CHST7: variants seen among roughly 807,000 people sequenced by gnomAD.
CHST7 encodes N-acetylglucosamine 6-O-sulfotransferase 4.
A neutral mutation model predicts 9.0 loss-of-function variants in CHST7; 5 were observed. That is an observed-to-expected ratio of 0.56 (90% CI 0.29 to 1.17). The LOEUF is 1.17. Ranked by LOEUF, CHST7 falls within the 50% of genes most tolerant of loss-of-function variation. The pLI, the probability that CHST7 is intolerant of heterozygous loss-of-function variation, is 0.08. For synonymous variants in CHST7, 244 were observed against 237.1 expected, an observed-to-expected ratio of 1.03 and a Z score of -0.27; for missense variants, 377 against 485.1, an observed-to-expected ratio of 0.78 and a Z score of 2.09.
intron 1 of CHST7, among the ~76,000 whole-genome samples, chrX:46,579,739 C>G (rs750996614): frequency 8.9e-6 from 1 of 111,971 alleles, no homozygotes; most frequent in Non-Finnish European, 1.9e-5. Context: ...AATCCCAGCA[C>G]TTTGGGAGGC....
At position 46,574,691 on chromosome X, in the gene CHST7, C is replaced by A. The variant is rs150774371; in HGVS notation, c.760C>A (p.Leu254Met). 5.0e-6 allele frequency: 6 copies of A among 1,208,158 alleles called. No homozygotes were observed. The African/African-American group carries it at 1.0e-4, about 21-fold the overall frequency. Reference protein sequence around the residue: ...YPVVVIKDVRLLDLGVLVPLL... With the variant: ...YPVVVIKDVRMLDLGVLVPLL... ...GGTGGTGGTCATCAAGGACGTGCGC[C>A]TGCTCGATCTGGGCGTGCTGGTGCC... The change falls in exon 1 of 2, where the codon CTG becomes ATG. Residue 254 changes from leucine to methionine, a missense_variant. By Grantham distance (15) the Leu-to-Met change is conservative (BLOSUM62 2). This residue lies in a region of CHST7 where 239 missense variants were observed against 325.7 expected (regional missense o/e 0.73). Coordinates refer to ENST00000276055, the MANE Select transcript of CHST7 (RefSeq NM_019886.4).
chrX:46,574,563 C>T lies in CHST7; in HGVS notation c.632C>T (p.Pro211Leu). 7 of 1,206,435 alleles carry T rather than the reference C, an allele frequency of 5.8e-6. No homozygotes were observed. Among genetic ancestry groups the T allele is most frequent in the Non-Finnish European group, 7.8e-6 (7 of 892,660 alleles). The change falls in exon 1 of 2, where the codon CCC becomes CTC. Residue 211 changes from proline to leucine, a missense_variant. Pro to Leu is a moderately conservative substitution (Grantham distance 98, BLOSUM62 -3). This residue lies in a region of CHST7 where 239 missense variants were observed against 325.7 expected (regional missense o/e 0.73). Coordinates refer to ENST00000276055, the MANE Select transcript of CHST7 (RefSeq NM_019886.4). ...ICSPPLCPGA[P>L]RARAEVGLVE... is the part of the protein sequence containing the mutation. ...TCGCCGCCACTGTGTCCTGGCGCAC[C>T]CCGTGCCCGGGCCGAGGTGGGCCTC...
chrX:46,588,135 G>C (rs761653950), intron 1 of CHST7, among the ~76,000 whole-genome samples: 1 of 111,815 alleles, frequency 8.9e-6, no homozygotes, highest in East Asian at 2.8e-4. Flanking sequence ...CAAGTGTGTG[G>C]GCAGGGACAG....
Position 46,598,065 on chromosome X carries a change from AAAG to A in CHST7, c.*342_*344del, listed in dbSNP as rs1362296333. The stretch of plus-strand genomic sequence containing the variant: ...CATTTCAACAAGGCATCCTCACAAC[AAAG>A]AAGAGATGTGATTTGGTACCATTTC... On this transcript the variant is annotated 3_prime_UTR_variant, in exon 2 of 2. Transcript: ENST00000276055. 8.9e-6 allele frequency: 1 copy of A among 112,590 alleles called. No individual in the cohort carries two copies. The highest frequency in any genetic ancestry group is 1.9e-5 in the Non-Finnish European group (1 of 53,307). The allele number at this position is 112,590 out of a possible 1,213,427, so 9.3% of individuals were successfully genotyped here. A position where few individuals can be genotyped will look rare whatever the true frequency, so the allele number is the denominator to read the frequency against.
intron 1 of CHST7, among the ~76,000 whole-genome samples, chrX:46,594,349 GA>G (rs201256324): frequency 0.012 from 1,364 of 110,659 alleles, 7 homozygotes; most frequent in Non-Finnish European, 0.02. Context: ...CCAACGTGGC[GA>G]AACCCCATCT....
intron 1 of CHST7, among the ~76,000 whole-genome samples, chrX:46,590,751 A>G (rs1394382040): frequency 8.9e-6 from 1 of 111,806 alleles, no homozygotes; most frequent in Non-Finnish European, 1.9e-5. Flanking sequence ...TATTACATAT[A>G]GATTTGTGTA....
At chrX:46,591,332 T>C (rs1005042412) in intron 1 of CHST7, among the ~76,000 whole-genome samples, 8 of 112,628 alleles carry the variant, frequency 7.1e-5, no homozygotes, top group African/African-American at 2.6e-4. Context: ...CAAATTTTTC[T>C]ACATCTTCAC....
chrX:46,574,697 G>A lies in CHST7; in HGVS notation c.766G>A (p.Asp256Asn). The change falls in exon 1 of 2, where the codon GAT becomes AAT. Residue 256 changes from aspartate to asparagine, a missense_variant. By Grantham distance (23) the Asp-to-Asn change is conservative. Transcript: ENST00000276055. ...GGTCATCAAGGACGTGCGCCTGCTC[G>A]ATCTGGGCGTGCTGGTGCCCCTGTT... ...VVVIKDVRLL[D>N]LGVLVPLLRD... The A allele has an allele frequency of 3.3e-6, 4 of 1,209,517 alleles. No homozygotes were observed. The highest frequency in any genetic ancestry group is 4.5e-6 in the Non-Finnish European group (4 of 894,280).
intron 1 of CHST7, among the ~76,000 whole-genome samples, chrX:46,577,386 G>A (rs1322991410): frequency 7.2e-5 from 8 of 110,560 alleles, no homozygotes; most frequent in Non-Finnish European, 1.1e-4. Context: ...CCTTCCTCCC[G>A]CATTGGGCAC....
Position 46,574,624 on chromosome X carries a change from C to G in CHST7, c.693C>G (p.Pro231=), listed in dbSNP as rs760649108. ...EDTACERSCP[P]VAIRALEAEC... is the part of the protein sequence containing the mutation. ...CCGCCTGCGAGCGCAGCTGCCCACC[C>G]GTGGCGATACGCGCCCTGGAGGCCG... The change falls in exon 1 of 2, where the codon CCC becomes CCG. Residue 231 remains proline (P), a synonymous_variant. Coordinates refer to ENST00000276055, the MANE Select transcript of CHST7 (RefSeq NM_019886.4). 3.3e-6 allele frequency: 4 copies of G among 1,206,784 alleles called. No homozygotes were observed. In the South Asian group the frequency reaches 5.3e-5, roughly 16 times the overall value.
chrX:46,591,234 G>A (rs779147810), intron 1 of CHST7, among the ~76,000 whole-genome samples: 6 of 112,379 alleles, frequency 5.3e-5, no homozygotes, highest in South Asian at 7.3e-4. Context: ...TCGTGTGGAA[G>A]TGTCTGTTTA....
chrX:46,593,820 T>C (rs1942582377), intron 1 of CHST7, among the ~76,000 whole-genome samples: 1 of 111,865 alleles, frequency 8.9e-6, no homozygotes, highest in African/African-American at 3.3e-5. Context: ...CCTTGAATTA[T>C]ACATGTGTAA....
chrX:46,578,573 G>T (rs1356170896), intron 1 of CHST7, among the ~76,000 whole-genome samples: 3 of 56,055 alleles, frequency 5.4e-5, no homozygotes, highest in Admixed American at 1.8e-4. Flanking sequence ...CTCATTAAAA[G>T]AAATTTTTTT....
At chrX:46,585,219 C>T (rs1391063295) in intron 1 of CHST7, among the ~76,000 whole-genome samples, 1 of 109,657 alleles carries the variant, frequency 9.1e-6, no homozygotes, top group Non-Finnish European at 1.9e-5. Flanking sequence ...CAAAAAAGTT[C>T]CTCTTTGTTG....
At chrX:46,577,913 G>A in intron 1 of CHST7, among the ~76,000 whole-genome samples, 1 of 112,048 alleles carries the variant, frequency 8.9e-6, no homozygotes, top group East Asian at 2.8e-4. Context: ...TCCCCACAGG[G>A]CATCTCAGGG....
rs757905458 is a variant in CHST7, at chrX:46,573,895, G to T, written c.-37G>T. The T allele has an allele frequency of 5.2e-6, 6 of 1,154,413 alleles. No homozygotes were observed. Among genetic ancestry groups the T allele is most frequent in the Admixed American group, 2.6e-5 (1 of 38,384 alleles). On this transcript the variant is annotated 5_prime_UTR_variant, in exon 1 of 2. Coordinates refer to ENST00000276055, the MANE Select transcript of CHST7 (RefSeq NM_019886.4). ...ACGGGATTTCTGAGGAACGGGAGAA[G>T]ACTGGCGCCCGACCCGCTCTGGAGG...
intron 1 of CHST7, among the ~76,000 whole-genome samples, chrX:46,594,218 TATC>T (rs1299046694): frequency 8.9e-6 from 1 of 112,200 alleles, no homozygotes; most frequent in Non-Finnish European, 1.9e-5. Flanking sequence ...TGAAGGATAT[TATC>T]ATGGGATATA....
intron 1 of CHST7, among the ~76,000 whole-genome samples, chrX:46,578,424 G>A (rs770094202): frequency 5.7e-5 from 6 of 105,621 alleles, no homozygotes; most frequent in Middle Eastern, 4.7e-3. Context: ...CCACAGGTGC[G>A]TACCACCACA....
At chrX:46,585,611 C>T (rs1942545822) in intron 1 of CHST7, among the ~76,000 whole-genome samples, 1 of 111,749 alleles carries the variant, frequency 8.9e-6, no homozygotes, top group South Asian at 3.7e-4. Flanking sequence ...TTTCTAGCTG[C>T]TAGGAATTAC....
Sources: gnomAD v4.1 joint callset for allele counts (sites outside exome capture counted in the v4.1 genomes callset) on GRCh38, gnomAD v4.1.1 for gene constraint, gnomAD v4.1.1 regional missense constraint, MANE v1.5 for transcripts, NCBI Gene and HGNC (gene_info 2026-07-23, HGNC 2026-07-21) for gene names.